The following RPS6KA2 variants were observed in gnomAD, a reference collection of about 807,000 sequenced individuals.
The protein encoded by RPS6KA2 is ribosomal protein S6 kinase alpha-2.
A neutral mutation model predicts 91.8 loss-of-function variants in RPS6KA2; 42 were observed. That is an observed-to-expected ratio of 0.46 (90% confidence interval 0.36 to 0.59). The LOEUF is 0.59. RPS6KA2 is among the 20% of genes least tolerant of loss of function. The pLI is 0.00. For missense variants in RPS6KA2, 798 were observed against 978.5 expected, an observed-to-expected ratio of 0.82 and a Z score of 2.46; for synonymous variants, 414 against 393.6, an observed-to-expected ratio of 1.05 and a Z score of -0.61.
At chr6:166,595,599 G>T (rs1436273314) in intron 1 of RPS6KA2, among the ~76,000 whole-genome samples, 1 of 152,176 alleles carries the variant, frequency 6.6e-6, no homozygotes, top group African/African-American at 2.4e-5. Context: ...GCCACTGACA[G>T]GCAGACACAT....
intron 12 of RPS6KA2, among the ~76,000 whole-genome samples, chr6:166,458,021 T>C (rs1304241505): frequency 1.3e-5 from 2 of 152,212 alleles, no homozygotes; most frequent in East Asian, 3.8e-4. Flanking sequence ...AAGGAGCTTG[T>C]GGATGGTTTT....
chr6:166,549,371 CTTTA>C (rs1783926988), intron 1 of RPS6KA2, among the ~76,000 whole-genome samples: 1 of 152,150 alleles, frequency 6.6e-6, no homozygotes, highest in East Asian at 1.9e-4. Flanking sequence ...TTCATAGCAG[CTTTA>C]TTTGTGATGC....
chr6:166,451,358 T>TGTGTGC lies in RPS6KA2; in HGVS notation c.1076-126_1076-125insGCACAC, dbSNP rs139763805. 1.3e-5 allele frequency: 13 copies of TGTGTGC among 1,012,440 alleles called. No homozygotes were observed. The African/African-American group carries it at 1.4e-4, about 11-fold the overall frequency. 62.7% of individuals were successfully genotyped at this position (1,012,440 alleles called of 1,614,324 possible). ...GTGTGTGTGTGTGTGTGTGTGTGTG[T>TGTGTGC]GCACGTGGCGTATGCCTGTGGTGGA... On this transcript the variant is annotated intron_variant, in intron 12 of 20. Coordinates refer to ENST00000265678, the MANE Select transcript of RPS6KA2 (RefSeq NM_021135.6).
Position 166,770,027 on chromosome 6 carries a change from A to G in RPS6KA2, c.123+88173T>C, listed in dbSNP as rs917451378. Reference sequence around the variant, plus strand: ...AACTACAGCGCAGTTTAACGTATCAATGTAGATGAACATAAGCTCAACCAG... The same window carrying G: ...AACTACAGCGCAGTTTAACGTATCAGTGTAGATGAACATAAGCTCAACCAG... On this transcript the variant is annotated intron_variant, in intron 2 of 21. Transcript: ENST00000503859. This position sits in a 1 kb window ranked among gnomAD's most constrained non-coding sequence, Gnocchi z 5.1. Among the ~76,000 whole-genome samples, 1 of 152,226 alleles carries G rather than the reference A, an allele frequency of 6.6e-6. No individual in the cohort carries two copies. Among genetic ancestry groups the G allele is most frequent in the African/African-American group, 2.4e-5 (1 of 41,462 alleles).
chr6:166,537,959 G>A (rs771564257), intron 2 of RPS6KA2, among the ~76,000 whole-genome samples: 21 of 152,254 alleles, frequency 1.4e-4, no homozygotes, highest in Non-Finnish European at 4.4e-5. Context: ...CTTGTTGTAT[G>A]TGGACGTGGC....
At chr6:166,470,986 C>T (rs1311538308) in intron 10 of RPS6KA2, among the ~76,000 whole-genome samples, 2 of 152,208 alleles carry the variant, frequency 1.3e-5, no homozygotes, top group African/African-American at 2.4e-5. Flanking sequence ...GCAGTGGCGG[C>T]GGTGGCTGGG....
rs763455202 is a variant in RPS6KA2, at chr6:166,508,170, C to T, written c.459+33G>A. 5.4e-6 allele frequency: 8 copies of T among 1,475,700 alleles called. 2 individuals carry two copies. The South Asian group carries it at 9.2e-5, about 17-fold the overall frequency. 91.4% of individuals were successfully genotyped at this position (1,475,700 alleles called of 1,614,324 possible). A position where few individuals can be genotyped will look rare whatever the true frequency, so the allele number is the denominator to read the frequency against. ...CTCGAGTCCCAGACAGAAGCTCCTG[C>T]CCGCCCTCCTGTGTGATGTGGCGGC... On this transcript the variant is annotated intron_variant, in intron 5 of 20. Coordinates refer to ENST00000265678, the MANE Select transcript of RPS6KA2 (RefSeq NM_021135.6). This position sits in a 1 kb window ranked among gnomAD's most constrained non-coding sequence, Gnocchi z 4.3.
intron 2 of RPS6KA2, among the ~76,000 whole-genome samples, chr6:166,707,156 C>A (rs951835257): frequency 1.3e-5 from 2 of 152,236 alleles, no homozygotes; most frequent in Non-Finnish European, 2.9e-5. Context: ...CTGCTAGATG[C>A]CTTCCTTGTG....
At chr6:166,656,107 A>G (rs1787994503) in intron 2 of RPS6KA2, among the ~76,000 whole-genome samples, 1 of 152,260 alleles carries the variant, frequency 6.6e-6, no homozygotes, top group African/African-American at 2.4e-5. Context: ...GAACAAAGGA[A>G]GAGAGACACG....
At chr6:166,498,698 C>A in intron 7 of RPS6KA2, 48 bp from the exon 8 acceptor site, 1 of 1,603,928 alleles carries the variant, frequency 6.2e-7, no homozygotes, top group South Asian at 1.1e-5. Context: ...TGGGTGTGTT[C>A]GGGGGTCCAC....
chr6:166,417,903 A>C (rs1778592004), intron 19 of RPS6KA2, among the ~76,000 whole-genome samples: 1 of 151,866 alleles, frequency 6.6e-6, no homozygotes. Context: ...AAAAAGTTTT[A>C]GTACAAAACT....
chr6:166,862,511 C>T, exon 1 of RPS6KA2: 1 of 481,202 alleles, frequency 2.1e-6, no homozygotes. Flanking sequence ...ATCTGTACTG[C>T]GACTTTGGCA....
In RPS6KA2 at chr6:166,411,779, G is replaced by A. The variant is rs1778313831; in HGVS notation, c.*983C>T. 1 of 152,430 alleles carries A rather than the reference G, an allele frequency of 6.6e-6. No individual in the cohort carries two copies. Among genetic ancestry groups the A allele is most frequent in the Non-Finnish European group, 1.5e-5 (1 of 68,126 alleles). The allele number at this position is 152,430 out of a possible 1,614,324, so 9.4% of individuals were successfully genotyped here. A position where few individuals can be genotyped will look rare whatever the true frequency, so the allele number is the denominator to read the frequency against. On this transcript the variant is annotated 3_prime_UTR_variant, in exon 21 of 21. Transcript: ENST00000265678. This position sits in a 1 kb window ranked among gnomAD's most constrained non-coding sequence, Gnocchi z 4.5. ...CTCCAGCCTCCAGCTGGACTGAGAA[G>A]GTTTGGGTGGGAAGCCACAGAGCTC... is the stretch of plus-strand genomic sequence containing the variant.
intron 2 of RPS6KA2, among the ~76,000 whole-genome samples, chr6:166,645,064 A>G (rs1026715295): frequency 7.9e-5 from 12 of 152,204 alleles, no homozygotes; most frequent in African/African-American, 2.9e-4. Flanking sequence ...TCTGGTCTCC[A>G]AAACTGTGGG....
intron 2 of RPS6KA2, among the ~76,000 whole-genome samples, chr6:166,638,126 G>A (rs983463372): frequency 1.3e-5 from 2 of 152,270 alleles, no homozygotes; most frequent in African/African-American, 4.8e-5. Context: ...TGTTGCCCTA[G>A]GTGCCTATCA....
intron 2 of RPS6KA2, among the ~76,000 whole-genome samples, chr6:166,731,714 C>T (rs1790524797): frequency 6.6e-6 from 1 of 151,726 alleles, no homozygotes; most frequent in Admixed American, 6.6e-5. Context: ...TGAGGTTAGC[C>T]GCAATGCTTC....
intron 2 of RPS6KA2, among the ~76,000 whole-genome samples, chr6:166,771,264 G>A (rs762797765): frequency 1.2e-4 from 18 of 152,176 alleles, no homozygotes; most frequent in Non-Finnish European, 2.2e-4. Context: ...CATCAGTGAC[G>A]AGCAGGCAAA....
At chr6:166,489,705 G>A (rs564884257) in intron 9 of RPS6KA2, among the ~76,000 whole-genome samples, 2 of 152,110 alleles carry the variant, frequency 1.3e-5, no homozygotes, top group Admixed American at 6.5e-5. Context: ...GGAGGAAAAG[G>A]CTGATTAAAT....
intron 3 of RPS6KA2, among the ~76,000 whole-genome samples, chr6:166,510,761 A>G (rs1782453746): frequency 6.6e-6 from 1 of 151,394 alleles, no homozygotes; most frequent in Non-Finnish European, 1.5e-5. Context: ...TCCATGAAAC[A>G]TCTAACATCC....
Sources: gnomAD v4.1 joint callset for allele counts (sites outside exome capture counted in the v4.1 genomes callset) on GRCh38, gnomAD v4.1.1 for gene constraint, Gnocchi (gnomAD v3.1) non-coding constraint, MANE v1.5 for transcripts, NCBI Gene and HGNC (gene_info 2026-07-23, HGNC 2026-07-21) for gene names.